MGST2: variants seen among roughly 807,000 people sequenced by gnomAD.
The protein encoded by MGST2 is microsomal glutathione S-transferase 2.
Under a neutral mutation model 16.6 loss-of-function variants are expected in MGST2, and 9 were observed. The ratio of observed to expected loss-of-function variants is 0.54; its 90% confidence interval spans 0.33 to 0.95. The LOEUF is 0.95. MGST2 is among the 40% of genes least tolerant of loss of function. The pLI is 0.03. For synonymous variants in MGST2, 79 were observed against 68.0 expected (o/e 1.16, Z -0.79); for missense variants, 159 against 175.1 (o/e 0.91, Z 0.52).
At chr4:139,705,123 G>A (rs1292152875), downstream of MGST2, among the ~76,000 whole-genome samples, 23 of 152,104 alleles carry the variant, frequency 1.5e-4, no homozygotes, top group Non-Finnish European at 3.2e-4. Flanking sequence ...GCTCAAGCGA[G>A]CCTCCTGCTT....
At chr4:139,710,928 T>C (rs141254417) in intron 5 of MGST2, among the ~76,000 whole-genome samples, 263 of 151,962 alleles carry the variant, frequency 1.7e-3, no homozygotes, top group Middle Eastern at 3.4e-3. Flanking sequence ...AACAAAGGGC[T>C]CTCAATAGGG....
chr4:139,718,690 T>C (rs1444999023), intron 5 of MGST2: 3 of 152,376 alleles, frequency 2.0e-5, no homozygotes, highest in Non-Finnish European at 2.9e-5. Flanking sequence ...AGGGTCATCA[T>C]GGGGCAGGAG....
intron 5 of MGST2, among the ~76,000 whole-genome samples, chr4:139,726,933 C>T (rs1234260513): frequency 3.3e-5 from 5 of 152,282 alleles, no homozygotes; most frequent in Admixed American, 1.3e-4. Context: ...AAGTAGCTTG[C>T]GTGACCTTGG....
downstream of MGST2, chr4:139,705,705 A>C (rs1421066841): frequency 6.6e-6 from 1 of 152,172 alleles, no homozygotes; most frequent in African/African-American, 2.4e-5. Context: ...CGAAGAGAAT[A>C]TTCTTTCTCT....
chr4:139,713,473 CAGAAAAAAA>C (rs1464433460), intron 5 of MGST2, among the ~76,000 whole-genome samples: 10 of 4,120 alleles, frequency 2.4e-3, no homozygotes, highest in South Asian at 0.012. Context: ...AGTGGCAAGA[CAGAAAAAAA>C]AAAAAAAAAA....
At chr4:139,741,630 C>A (rs1729167557), downstream of MGST2, among the ~76,000 whole-genome samples, 1 of 151,990 alleles carries the variant, frequency 6.6e-6, no homozygotes, top group Non-Finnish European at 1.5e-5. Context: ...ACCTGTAGTC[C>A]CAATTACTCA....
intron 2 of MGST2, among the ~76,000 whole-genome samples, chr4:139,693,934 T>C (rs934917109): frequency 5.9e-5 from 9 of 152,204 alleles, no homozygotes; most frequent in Admixed American, 3.9e-4. Flanking sequence ...TCTTTGCTGG[T>C]GGGGTTAAAA....
chr4:139,717,193 T>G (rs1728011458), intron 5 of MGST2: 1 of 152,564 alleles, frequency 6.6e-6, no homozygotes, highest in Admixed American at 6.5e-5. Context: ...CATATTAAAA[T>G]CTACCTATTA....
chr4:139,672,183 G>A (rs1322601961), intron 1 of MGST2, among the ~76,000 whole-genome samples: 1 of 152,162 alleles, frequency 6.6e-6, no homozygotes, highest in African/African-American at 2.4e-5. Flanking sequence ...AGAAAAGATA[G>A]CACTTTTAAG....
At position 139,699,378 on chromosome 4, in the gene MGST2, ATATC is replaced by A. The variant is rs749964289; in HGVS notation, c.230-4073_230-4070del. On this transcript the variant is annotated intron_variant, in intron 3 of 4. Coordinates refer to ENST00000265498, the MANE Select transcript of MGST2 (RefSeq NM_002413.5). ...TTAACTTTGCATAAAATTCATATAT[ATATC>A]TATATAGTCTTTCTGCTGAAGCTTT... is the stretch of plus-strand genomic sequence containing the variant. Among the ~76,000 whole-genome samples, 48 of 152,320 alleles carry A rather than the reference ATATC, an allele frequency of 3.2e-4. 1 individual carries two copies. The highest frequency in any genetic ancestry group is 8.9e-4 in the African/African-American group (37 of 41,576).
chr4:139,716,074 C>T (rs1727942839), intron 5 of MGST2, among the ~76,000 whole-genome samples: 1 of 152,150 alleles, frequency 6.6e-6, no homozygotes. Flanking sequence ...CTGGGGGGCA[C>T]CTTTAAACCA....
In MGST2 at chr4:139,702,867, T is replaced by TTTTTTTTTTTTTTC. The variant is rs767366469; in HGVS notation, c.230-585_230-584insTTTTTTTTTTCTTT. The stretch of plus-strand genomic sequence containing the variant: ...TGGTTTTTTTTTTTTTTTTTTTTTT[T>TTTTTTTTTTTTTTC]TTTACAATTTTAGCCATTCTGTTGG... On this transcript the variant is annotated intron_variant, in intron 3 of 4. Transcript: ENST00000265498. Among the ~76,000 whole-genome samples, 26 of 132,442 alleles carry TTTTTTTTTTTTTTC rather than the reference T, an allele frequency of 2.0e-4. 3 individuals are homozygous for TTTTTTTTTTTTTTC. The highest frequency in any genetic ancestry group is 3.8e-4 in the African/African-American group (14 of 37,142). The allele number at this position is 132,442 out of a possible 152,430, so 86.9% of individuals were successfully genotyped here. A position where few individuals can be genotyped will look rare whatever the true frequency, so the allele number is the denominator to read the frequency against.
At chr4:139,722,645 G>GA (rs1317994640) in intron 5 of MGST2, among the ~76,000 whole-genome samples, 2 of 152,004 alleles carry the variant, frequency 1.3e-5, no homozygotes, top group East Asian at 3.9e-4. Context: ...CTGTATTTGT[G>GA]AAAAAAATAA....
intron 5 of MGST2, among the ~76,000 whole-genome samples, chr4:139,732,605 G>C (rs1198528237): frequency 6.7e-6 from 1 of 149,072 alleles, no homozygotes; most frequent in Non-Finnish European, 1.5e-5. Context: ...CAGATAGCTT[G>C]TCTTTACTTT....
intron 1 of MGST2, among the ~76,000 whole-genome samples, chr4:139,676,391 ATTATT>A (rs1338460604): frequency 1.3e-5 from 2 of 152,218 alleles, no homozygotes; most frequent in Non-Finnish European, 2.9e-5. Context: ...CACACGGAGA[ATTATT>A]TTAAGGAATT....
chr4:139,681,392 C>T lies in MGST2; in HGVS notation c.158+2750C>T, dbSNP rs567810949. Among the ~76,000 whole-genome samples, 108 of 152,174 alleles carry T rather than the reference C, an allele frequency of 7.1e-4. 4 individuals are homozygous for T. In the South Asian group the frequency reaches 0.021, roughly 29 times the overall value. On this transcript the variant is annotated intron_variant, in intron 2 of 4. Transcript: ENST00000265498. ...TTTCTCTGTTCTTTCATTCTTAAAA[C>T]GCATACTAGTTGTGTGTTAACCTCC...
chr4:139,731,566 G>A (rs113211102), intron 5 of MGST2: 18,506 of 152,520 alleles, frequency 0.12, 1,312 homozygotes, highest in Non-Finnish European at 0.16. Flanking sequence ...GCAGTGAGCC[G>A]AGGTCGCGCC....
chr4:139,732,218 A>G (rs1203726593), intron 5 of MGST2, among the ~76,000 whole-genome samples: 1 of 152,194 alleles, frequency 6.6e-6, no homozygotes, highest in African/African-American at 2.4e-5. Context: ...ACCGTTAAAC[A>G]TATTGGCAGT....
intron 5 of MGST2, chr4:139,730,464 C>T (rs1446580861): frequency 6.4e-7 from 1 of 1,552,492 alleles, no homozygotes; most frequent in Admixed American, 2.0e-5. Flanking sequence ...GCTGCCTTTG[C>T]TCCCGCAGGA....
Sources: allele counts gnomAD v4.1 joint callset (sites outside exome capture counted in the v4.1 genomes callset), GRCh38; gene constraint gnomAD v4.1.1; transcripts MANE v1.5; gene names NCBI Gene and HGNC (gene_info 2026-07-23, HGNC 2026-07-21).